Variants in ZNF267 observed in about 807,000 individuals in gnomAD.
ZNF267 encodes the protein zinc finger (C2H2).
In ZNF267, 61 loss-of-function variants were observed where a neutral mutation model predicts 71.6. The ratio of observed to expected loss-of-function variants is 0.85; its 90% CI spans 0.69 to 1.05. The LOEUF is 1.05. Ranked by LOEUF, ZNF267 falls within the 50% of genes least tolerant of loss-of-function variation. ZNF267 has a pLI of 0.00. For missense variants in ZNF267, 852 were observed against 870.0 expected, an observed-to-expected ratio of 0.98 and a Z score of 0.26; for synonymous variants, 288 against 293.2, an observed-to-expected ratio of 0.98 and a Z score of 0.18.
At chr16:31,906,247 C>G (rs990317813) in intron 3 of ZNF267, among the ~76,000 whole-genome samples, 2 of 152,258 alleles carry the variant, frequency 1.3e-5, no homozygotes, top group African/African-American at 4.8e-5. Flanking sequence ...AGGAGGCAGT[C>G]TGCCCATTCT....
At chr16:31,876,827 G>A (rs2083855686) in intron 1 of ZNF267, among the ~76,000 whole-genome samples, 1 of 152,174 alleles carries the variant, frequency 6.6e-6, no homozygotes, top group African/African-American at 2.4e-5. Context: ...CTGGTCTTGA[G>A]CCTGCAAGAA....
intron 3 of ZNF267, among the ~76,000 whole-genome samples, chr16:31,894,321 T>C (rs1205051094): frequency 6.6e-6 from 1 of 152,270 alleles, no homozygotes; most frequent in Non-Finnish European, 1.5e-5. Flanking sequence ...CTTGACTGTT[T>C]ATGATTTCTT....
At chr16:31,898,078 TCTA>T (rs1415510183) in intron 3 of ZNF267, among the ~76,000 whole-genome samples, 3 of 152,264 alleles carry the variant, frequency 2.0e-5, no homozygotes, top group Non-Finnish European at 2.9e-5. Context: ...ATGGAAGTCT[TCTA>T]CTATTATTGT....
At chr16:31,910,146 G>A (rs1263558541) in intron 3 of ZNF267, among the ~76,000 whole-genome samples, 1 of 152,058 alleles carries the variant, frequency 6.6e-6, no homozygotes, top group Non-Finnish European at 1.5e-5. Flanking sequence ...ATGTGTTGTT[G>A]AATTCTGTTT....
intron 3 of ZNF267, among the ~76,000 whole-genome samples, chr16:31,888,121 T>G (rs1352676544): frequency 6.6e-6 from 1 of 152,034 alleles, no homozygotes; most frequent in Non-Finnish European, 1.5e-5. Context: ...TAAAAAAAAT[T>G]TTTGATACTA....
chr16:31,901,433 C>G (rs1200000837), intron 3 of ZNF267, among the ~76,000 whole-genome samples: 3 of 152,210 alleles, frequency 2.0e-5, no homozygotes, highest in African/African-American at 7.2e-5. Context: ...TAAAAGTGTT[C>G]CTATTTCTCC....
In ZNF267 at chr16:31,893,090, G is replaced by C. The variant is rs144960767; in HGVS notation, c.226+7834G>C. Among the ~76,000 whole-genome samples the C allele has an allele frequency of 2.8e-3, 434 of 152,360 alleles. 3 individuals are homozygous for C. Among genetic ancestry groups the C allele is most frequent in the Middle Eastern group, 0.017 (5 of 294 alleles). ...TCTGCCTGGGCATCCAGGCATTTCT[G>C]TGTATCCTCTGAAATCTAAACGGGG... is the stretch of plus-strand genomic sequence containing the variant. On this transcript the variant is annotated intron_variant, in intron 3 of 3. Transcript: ENST00000300870.
chr16:31,897,323 C>T (rs1012155091), intron 3 of ZNF267, among the ~76,000 whole-genome samples: 26 of 152,056 alleles, frequency 1.7e-4, no homozygotes, highest in African/African-American at 6.3e-4. Flanking sequence ...TATTCTTTCC[C>T]ATGCAAATTT....
chr16:31,905,387 A>G (rs930798012), intron 3 of ZNF267, among the ~76,000 whole-genome samples: 4 of 152,226 alleles, frequency 2.6e-5, no homozygotes, highest in Non-Finnish European at 4.4e-5. Flanking sequence ...GTGTTTTCCA[A>G]CTTGGTTCCA....
intron 1 of ZNF267, among the ~76,000 whole-genome samples, chr16:31,883,188 T>C (rs1055688229): frequency 1.3e-5 from 2 of 152,056 alleles, no homozygotes; most frequent in African/African-American, 2.4e-5. Flanking sequence ...AAATATATAA[T>C]AGCACATAGA....
intron 3 of ZNF267, among the ~76,000 whole-genome samples, chr16:31,900,235 G>C (rs529112542): frequency 6.6e-6 from 1 of 151,600 alleles, no homozygotes; most frequent in South Asian, 2.1e-4. Context: ...AGAATTAAAA[G>C]TATTCTATAT....
In ZNF267 at chr16:31,914,506, T is replaced by G. The variant is rs773173523; in HGVS notation, c.257T>G (p.Leu86Trp). 6.2e-7 allele frequency: 1 copy of G among 1,606,416 alleles called. No individual in the cohort carries two copies. The highest frequency in any genetic ancestry group is 1.1e-5 in the South Asian group (1 of 89,432). The change falls in exon 4 of 4, where the codon TTG becomes TGG. Residue 86 changes from leucine (L) to tryptophan (W), a missense_variant. By Grantham distance (61) the Leu-to-Trp change is moderately conservative (BLOSUM62 -2). Transcript: ENST00000300870. ...DVFSHYNKDL[L>W]TEHCTEASFQ... ...TTTTCGCATTATAACAAGGACCTGTTGACAGAGCACTGCACAGAAGCTTCA... is the reference window on the plus strand; with the variant it reads ...TTTTCGCATTATAACAAGGACCTGTGGACAGAGCACTGCACAGAAGCTTCA...
intron 1 of ZNF267, among the ~76,000 whole-genome samples, chr16:31,876,037 CAG>C (rs777222525): frequency 1.2e-4 from 18 of 151,990 alleles, no homozygotes; most frequent in Non-Finnish European, 2.4e-4. Context: ...GGAAAAGAAA[CAG>C]AGAAAATCTT....
At chr16:31,907,034 C>T (rs910543971) in intron 3 of ZNF267, among the ~76,000 whole-genome samples, 1 of 152,042 alleles carries the variant, frequency 6.6e-6, no homozygotes, top group Non-Finnish European at 1.5e-5. Context: ...ATCCTGCCAT[C>T]TTCTGGCTTG....
At chr16:31,900,747 A>G (rs1274820524) in intron 3 of ZNF267, among the ~76,000 whole-genome samples, 1 of 141,992 alleles carries the variant, frequency 7.0e-6, no homozygotes, top group Non-Finnish European at 1.5e-5. Flanking sequence ...CCCGGCCCCA[A>G]GAATTCTTTC....
intron 3 of ZNF267, among the ~76,000 whole-genome samples, chr16:31,900,602 GC>G (rs2084032211): frequency 6.6e-6 from 1 of 151,728 alleles, no homozygotes; most frequent in Admixed American, 6.6e-5. Context: ...CTGCCACCAC[GC>G]CCAGCTATTT....
rs954649702 is a variant in ZNF267, at chr16:31,917,260, A to T, written c.*779A>T. On this transcript the variant is annotated 3_prime_UTR_variant, in exon 4 of 4. Transcript: ENST00000300870. ...AAATGTAAAACACATGAAAATTTTT[A>T]AAAATATGCTCTTTGTGTTTGAATA... is the stretch of plus-strand genomic sequence containing the variant. The T allele has an allele frequency of 1.3e-5, 2 of 152,172 alleles. No homozygotes were observed. Among genetic ancestry groups the T allele is most frequent in the Admixed American group, 6.5e-5 (1 of 15,282 alleles). 9.4% of individuals were successfully genotyped at this position (152,172 alleles called of 1,614,324 possible).
At chr16:31,901,761 G>C (rs1486526546) in intron 3 of ZNF267, among the ~76,000 whole-genome samples, 1 of 152,140 alleles carries the variant, frequency 6.6e-6, no homozygotes, top group Non-Finnish European at 1.5e-5. Flanking sequence ...TCACTCTGAT[G>C]GTGGTTTCCT....
At chr16:31,887,146 G>A (rs1567473277) in intron 3 of ZNF267, among the ~76,000 whole-genome samples, 1 of 151,906 alleles carries the variant, frequency 6.6e-6, no homozygotes, top group Admixed American at 6.6e-5. Flanking sequence ...GCATTTTCCT[G>A]ATGAATAATA....
Sources: gnomAD v4.1 joint callset for allele counts (sites outside exome capture counted in the v4.1 genomes callset) on GRCh38, gnomAD v4.1.1 for gene constraint, MANE v1.5 for transcripts, NCBI Gene and HGNC (gene_info 2026-07-23, HGNC 2026-07-21) for gene names.